Variants in GPC6 observed in about 807,000 individuals in gnomAD.
GPC6 encodes glypican-6.
In GPC6, 14 loss-of-function variants were observed where a neutral mutation model predicts 55.2. The observed-to-expected ratio is 0.25, with a 90% confidence interval of 0.17 to 0.40. GPC6 has a LOEUF of 0.40. Among genes scored for constraint, GPC6 ranks in the 10% least tolerant of loss-of-function variants. GPC6 has a pLI of 1.00. For synonymous variants in GPC6, 278 were observed against 259.6 expected, an observed-to-expected ratio of 1.07 and a Z score of -0.68; for missense variants, 641 against 708.5, an observed-to-expected ratio of 0.90 and a Z score of 1.08.
At chr13:94,208,349 G>A (rs551102263) in intron 4 of GPC6, among the ~76,000 whole-genome samples, 1 of 152,218 alleles carries the variant, frequency 6.6e-6, no homozygotes, top group East Asian at 1.9e-4. Context: ...ATAAGACAAA[G>A]CATATAAAGC....
intron 3 of GPC6, among the ~76,000 whole-genome samples, chr13:93,980,411 T>A (rs1880743106): frequency 6.6e-6 from 1 of 152,048 alleles, no homozygotes; most frequent in Admixed American, 6.6e-5. Flanking sequence ...AGGCAAAAAA[T>A]GGTAATAAAC....
At chr13:94,274,204 G>C (rs935809141) in intron 4 of GPC6, among the ~76,000 whole-genome samples, 1 of 152,076 alleles carries the variant, frequency 6.6e-6, no homozygotes, top group South Asian at 2.1e-4. Context: ...ATTATTTTCC[G>C]CCACAATTTG....
At chr13:93,763,432 G>A (rs1398669154) in intron 2 of GPC6, among the ~76,000 whole-genome samples, 1 of 152,092 alleles carries the variant, frequency 6.6e-6, no homozygotes, top group African/African-American at 2.4e-5. Context: ...GCCCCAGAAG[G>A]GCTACTTGCC....
At chr13:94,254,181 G>A (rs1891437435) in intron 4 of GPC6, among the ~76,000 whole-genome samples, 1 of 152,130 alleles carries the variant, frequency 6.6e-6, no homozygotes. Context: ...CCTTTGGCAT[G>A]TACTGGCCTT....
At chr13:94,268,229 T>C (rs1160694687) in intron 4 of GPC6, among the ~76,000 whole-genome samples, 3 of 152,196 alleles carry the variant, frequency 2.0e-5, no homozygotes, top group African/African-American at 7.2e-5. Flanking sequence ...GAATAAATAA[T>C]TTTTGCAAAT....
chr13:94,320,602 G>T (rs2139129116), intron 6 of GPC6, among the ~76,000 whole-genome samples: 1 of 152,218 alleles, frequency 6.6e-6, no homozygotes, highest in South Asian at 2.1e-4. Flanking sequence ...CGTCACTTTA[G>T]GGAAGCCCTG....
chr13:94,382,139 C>T (rs886316384), intron 6 of GPC6, among the ~76,000 whole-genome samples: 2 of 152,072 alleles, frequency 1.3e-5, no homozygotes, highest in East Asian at 1.9e-4. Context: ...CGTGATGCTT[C>T]GTAAGTTTTT....
chr13:93,631,397 G>A (rs1214697820), intron 2 of GPC6, among the ~76,000 whole-genome samples: 1 of 152,158 alleles, frequency 6.6e-6, no homozygotes, highest in Non-Finnish European at 1.5e-5. Flanking sequence ...TACATGTCAA[G>A]GAGAGAGACC....
intron 6 of GPC6, among the ~76,000 whole-genome samples, chr13:94,362,500 A>G (rs1056997918): frequency 6.6e-6 from 1 of 152,136 alleles, no homozygotes; most frequent in Non-Finnish European, 1.5e-5. Context: ...TTTTATATGC[A>G]GTGGAACAAT....
At position 94,404,743 on chromosome 13, in the gene GPC6, T is replaced by C. The variant is rs547196732; in HGVS notation, c.*1526T>C. ...ACCATTGCTTTCATGTAAAACACCTTCGGCCTAGGATTCCTGCCTGGCACT... is the reference window on the plus strand; with the variant it reads ...ACCATTGCTTTCATGTAAAACACCTCCGGCCTAGGATTCCTGCCTGGCACT... On this transcript the variant is annotated 3_prime_UTR_variant, in exon 9 of 9. Coordinates refer to ENST00000377047, the MANE Select transcript of GPC6 (RefSeq NM_005708.5). 2.2e-4 allele frequency: 33 copies of C among 152,326 alleles called. No individual in the cohort carries two copies. The highest frequency in any genetic ancestry group is 7.5e-4 in the African/African-American group (31 of 41,566). The allele number at this position is 152,326 out of a possible 1,614,324, so 9.4% of individuals were successfully genotyped here.
At chr13:93,628,271 G>A in intron 2 of GPC6, among the ~76,000 whole-genome samples, 1 of 152,188 alleles carries the variant, frequency 6.6e-6, no homozygotes, top group Non-Finnish European at 1.5e-5. Flanking sequence ...TGGCTTTCCA[G>A]GTTCAGTTCC....
intron 4 of GPC6, among the ~76,000 whole-genome samples, chr13:94,269,198 A>C (rs1891912996): frequency 1.3e-5 from 2 of 152,198 alleles, no homozygotes; most frequent in African/African-American, 4.8e-5. Context: ...AATCTGGATA[A>C]TGACTATGTG....
chr13:94,259,600 C>T (rs1167132073), intron 4 of GPC6, among the ~76,000 whole-genome samples: 1 of 152,078 alleles, frequency 6.6e-6, no homozygotes, highest in African/African-American at 2.4e-5. Context: ...TATCCAATTC[C>T]AGAATTTTTC....
chr13:94,177,727 T>C (rs1888832703), intron 4 of GPC6, among the ~76,000 whole-genome samples: 1 of 152,088 alleles, frequency 6.6e-6, no homozygotes, highest in Admixed American at 6.6e-5. Flanking sequence ...TGTTTTAACA[T>C]AGCATTTTTA....
At chr13:93,860,139 A>G (rs1888763479) in intron 3 of GPC6, among the ~76,000 whole-genome samples, 1 of 151,664 alleles carries the variant, frequency 6.6e-6, no homozygotes, top group Non-Finnish European at 1.5e-5. Context: ...TCATGGAGTC[A>G]TCTTGGGCCA....
At chr13:94,349,356 C>T (rs1878427179) in intron 6 of GPC6, among the ~76,000 whole-genome samples, 1 of 152,180 alleles carries the variant, frequency 6.6e-6, no homozygotes, top group Non-Finnish European at 1.5e-5. Context: ...TCTCCCTACT[C>T]CCTACTCATC....
intron 2 of GPC6, among the ~76,000 whole-genome samples, chr13:93,610,282 A>G (rs1162548686): frequency 1.3e-5 from 2 of 152,216 alleles, no homozygotes; most frequent in Non-Finnish European, 2.9e-5. Flanking sequence ...TGACTCTCTC[A>G]ACATCAGAGT....
intron 3 of GPC6, among the ~76,000 whole-genome samples, chr13:93,938,579 C>T (rs575742392): frequency 6.6e-6 from 1 of 152,104 alleles, no homozygotes; most frequent in East Asian, 1.9e-4. Flanking sequence ...TAAAAAGACA[C>T]AAATAAAAGA....
intron 4 of GPC6, among the ~76,000 whole-genome samples, chr13:94,039,080 G>A (rs1457856564): frequency 6.6e-6 from 1 of 151,944 alleles, no homozygotes; most frequent in African/African-American, 2.4e-5. Context: ...AACAGTGGTA[G>A]GAAGGTAGGA....
Sources: gnomAD v4.1 joint callset for allele counts (sites outside exome capture counted in the v4.1 genomes callset) on GRCh38, gnomAD v4.1.1 for gene constraint, MANE v1.5 for transcripts, NCBI Gene and HGNC (gene_info 2026-07-23, HGNC 2026-07-21) for gene names.